Variants in ITPR1 observed in about 807,000 individuals in gnomAD.
ITPR1 encodes inositol 1,4,5-trisphosphate-gated calcium channel ITPR1.
Under a neutral mutation model 318.4 loss-of-function variants are expected in ITPR1, and 96 were observed. The ratio of observed to expected loss-of-function variants is 0.30; its 90% CI spans 0.26 to 0.36. The LOEUF (loss-of-function observed/expected upper bound fraction) is 0.36. Among genes scored for constraint, ITPR1 ranks in the 10% least tolerant of loss-of-function variants. The pLI, the probability that ITPR1 is intolerant of heterozygous loss-of-function variation, is 1.00. For missense variants in ITPR1, 2,440 were observed against 3,460.2 expected, an observed-to-expected ratio of 0.71 and a Z score of 7.40; for synonymous variants, 1,312 against 1,289.9, an observed-to-expected ratio of 1.02 and a Z score of -0.37.
intron 4 of ITPR1, among the ~76,000 whole-genome samples, chr3:4,598,037 C>T (rs949786489): frequency 6.6e-6 from 1 of 152,226 alleles, no homozygotes; most frequent in Non-Finnish European, 1.5e-5. Context: ...GCTGAGTCTT[C>T]CGTTTCCTGC....
chr3:4,750,596 G>C (rs1039508412), intron 44 of ITPR1: 1 of 152,190 alleles, frequency 6.6e-6, no homozygotes, highest in African/African-American at 2.4e-5. Context: ...GTTCTCAAAT[G>C]CGTCAGTAAA....
intron 52 of ITPR1, among the ~76,000 whole-genome samples, chr3:4,789,601 GTTTTTGT>G (rs138268766): frequency 0.57 from 78,496 of 136,680 alleles, 20,890 homozygotes; most frequent in East Asian, 0.89. Context: ...GAGGTGTTTT[GTTTTTGT>G]TTTTGTTTTT....
intron 30 of ITPR1, among the ~76,000 whole-genome samples, chr3:4,688,230 T>C (rs1257247207): frequency 1.3e-5 from 2 of 149,772 alleles, no homozygotes; most frequent in African/African-American, 4.9e-5. Context: ...CAGTCCTTGC[T>C]GGATAATGGA....
chr3:4,652,948 A>T (rs1031354893), intron 11 of ITPR1, among the ~76,000 whole-genome samples: 8 of 152,192 alleles, frequency 5.3e-5, no homozygotes, highest in African/African-American at 1.9e-4. Flanking sequence ...AGATCGCACC[A>T]CTGCAGTCCA....
In ITPR1 at chr3:4,677,461, T is replaced by A. The variant is rs138214901; in HGVS notation, c.2967+660T>A. 7.0e-3 allele frequency among the ~76,000 whole-genome samples: 1,071 copies of A among 152,234 alleles called. 12 individuals carry two copies. Among genetic ancestry groups the A allele is most frequent in the African/African-American group, 0.024 (985 of 41,538 alleles). ...AGGCCTCTCCAGTACAGTGACATGA[T>A]TACACACCTGAATGAAGTGAGGAGA... On this transcript the variant is annotated intron_variant, in intron 24 of 61. Transcript: ENST00000649015.
chr3:4,754,724 C>G (rs756716748), intron 44 of ITPR1, among the ~76,000 whole-genome samples: 1 of 152,216 alleles, frequency 6.6e-6, no homozygotes, highest in Non-Finnish European at 1.5e-5. Flanking sequence ...CTCATATTGG[C>G]TTGAAGAGCC....
chr3:4,696,414 C>G (rs981604396), intron 33 of ITPR1, among the ~76,000 whole-genome samples: 1 of 152,196 alleles, frequency 6.6e-6, no homozygotes, highest in Non-Finnish European at 1.5e-5. Flanking sequence ...TCTCAAGGCT[C>G]ACACAAGTTG....
intron 10 of ITPR1, 39 bp from the exon 11 acceptor site, chr3:4,652,084 G>C (rs2093610060): frequency 6.9e-7 from 1 of 1,452,456 alleles, no homozygotes; most frequent in Non-Finnish European, 9.6e-7. Flanking sequence ...TCCTAGTGTA[G>C]GTTGACATTT....
chr3:4,756,022 CA>C (rs1404242042), intron 44 of ITPR1, among the ~76,000 whole-genome samples: 1 of 152,108 alleles, frequency 6.6e-6, no homozygotes, highest in Non-Finnish European at 1.5e-5. Flanking sequence ...TCAGACCTTG[CA>C]AAAAAGTTTC....
At chr3:4,674,945 C>T in intron 22 of ITPR1, 123 bp from the exon 23 acceptor site, 1 of 565,366 alleles carries the variant, frequency 1.8e-6, no homozygotes, top group Non-Finnish European at 3.1e-6. Flanking sequence ...AAGGAAAATA[C>T]ATGCCTTCTC....
chr3:4,659,006 T>C (rs1252875257), intron 13 of ITPR1, among the ~76,000 whole-genome samples: 1 of 152,192 alleles, frequency 6.6e-6, no homozygotes, highest in Non-Finnish European at 1.5e-5. Flanking sequence ...ATGAAGAAGC[T>C]GAGGCTCAGA....
chr3:4,670,399 T>C (rs182280959), intron 19 of ITPR1, among the ~76,000 whole-genome samples: 2 of 152,332 alleles, frequency 1.3e-5, no homozygotes, highest in Admixed American at 1.3e-4. Flanking sequence ...AATTCTTTGT[T>C]GTGGGGCTGT....
rs768979444 is a variant in ITPR1 at position 4,667,497 on chromosome 3, G to A, written c.1834G>A (p.Ala612Thr). The A allele has an allele frequency of 6.8e-6, 11 of 1,613,588 alleles. No individual in the cohort carries two copies. The highest frequency in any genetic ancestry group is 1.7e-5 in the Admixed American group (1 of 59,980). Residue 612 changes from alanine (A) to threonine (T), a missense_variant, in exon 18 of 62, where the codon GCG becomes ACG. Around this residue, in one of 23 missense-constraint regions of ITPR1, gnomAD observed 478 missense variants for 696.3 expected, o/e 0.69. Coordinates refer to ENST00000649015, the MANE Select transcript of ITPR1 (RefSeq NM_001378452.1). ...GAAACTCCTGGAAAAACACATTACC[G>A]CGGCAGAGATTGACACATTTGTCAG... ...NRKLLEKHITAAEIDTFVSLV... is the reference protein window; with the variant it reads ...NRKLLEKHITTAEIDTFVSLV...
intron 4 of ITPR1, among the ~76,000 whole-genome samples, chr3:4,564,954 A>G (rs1000157575): frequency 3.9e-5 from 6 of 152,188 alleles, no homozygotes; most frequent in Non-Finnish European, 8.8e-5. Flanking sequence ...AGGTGCATAT[A>G]ATTTGGCTAA....
In ITPR1 at chr3:4,779,605, ACGC is replaced by A; in HGVS notation, c.6348_6350del (p.Asn2116_Ala2117delinsLys). 1 of 1,612,534 alleles carries A rather than the reference ACGC, an allele frequency of 6.2e-7. No individual in the cohort carries two copies. The highest frequency in any genetic ancestry group is 8.5e-7 in the Non-Finnish European group (1 of 1,178,920). ...ATGGAAAGCAGGCACGACAGTGAAA[ACGC>A]AGAGAGGATACTTTATAACATGAGG... On this transcript the variant is annotated inframe_deletion, in exon 49 of 62. Coordinates refer to ENST00000649015, the MANE Select transcript of ITPR1 (RefSeq NM_001378452.1). This position sits in a 1 kb window ranked among gnomAD's most constrained non-coding sequence, Gnocchi z 4.0.
chr3:4,805,003 G>A (rs2048469874), intron 54 of ITPR1, among the ~76,000 whole-genome samples: 1 of 152,134 alleles, frequency 6.6e-6, no homozygotes, highest in Non-Finnish European at 1.5e-5. Context: ...TCAACATATT[G>A]CTAGAGATGG....
intron 2 of ITPR1, among the ~76,000 whole-genome samples, chr3:4,513,127 G>C (rs1052243875): frequency 5.9e-5 from 9 of 152,144 alleles, no homozygotes; most frequent in African/African-American, 2.2e-4. Context: ...AAAGAGGCGG[G>C]CTCTCCCACC....
intron 44 of ITPR1, among the ~76,000 whole-genome samples, chr3:4,739,653 C>T (rs1046698820): frequency 3.3e-5 from 5 of 152,204 alleles, no homozygotes; most frequent in African/African-American, 1.2e-4. Context: ...GTCCCACCTC[C>T]ACCTGTAGTT....
intron 55 of ITPR1, among the ~76,000 whole-genome samples, chr3:4,808,186 C>T (rs1025591139): frequency 6.6e-6 from 1 of 152,200 alleles, no homozygotes; most frequent in Non-Finnish European, 1.5e-5. Flanking sequence ...TGTGAGTGGT[C>T]ACCCTGCACT....
Sources: gnomAD v4.1 joint callset for allele counts (sites outside exome capture counted in the v4.1 genomes callset) on GRCh38, gnomAD v4.1.1 for gene constraint, gnomAD v4.1.1 regional missense constraint, Gnocchi (gnomAD v3.1) non-coding constraint, MANE v1.5 for transcripts, NCBI Gene and HGNC (gene_info 2026-07-23, HGNC 2026-07-21) for gene names.